The following CDC123 variants were observed in gnomAD, a reference collection of about 807,000 sequenced individuals.
CDC123 encodes the protein translation initiation factor eIF2 assembly protein.
A neutral mutation model predicts 54.4 loss-of-function variants in CDC123; 37 were observed. That is an observed-to-expected ratio of 0.68 (90% CI 0.52 to 0.89). The LOEUF (loss-of-function observed/expected upper bound fraction) is 0.89, where lower values mean the gene tolerates loss of function less well. CDC123 is among the 40% of genes least tolerant of loss of function. The probability of loss-of-function intolerance (pLI) is 0.00; values close to 1 mark genes in which losing one functional copy is unlikely to be tolerated. For missense variants in CDC123, 361 were observed against 412.1 expected (o/e 0.88, Z 1.07); for synonymous variants, 144 against 136.8 (o/e 1.05, Z -0.37).
intron 6 of CDC123, among the ~76,000 whole-genome samples, chr10:12,220,681 T>C (rs1035379988): frequency 2.6e-5 from 4 of 152,146 alleles, no homozygotes; most frequent in Admixed American, 6.6e-5. Context: ...CTTGAAGAGC[T>C]CTTAAAAGAT....
chr10:12,249,167 C>A (rs1836203199), intron 11 of CDC123, among the ~76,000 whole-genome samples: 1 of 151,006 alleles, frequency 6.6e-6, no homozygotes, highest in African/African-American at 2.4e-5. Context: ...GGTGCAACAG[C>A]CCACCTAGCC....
At chr10:12,235,837 G>GT (rs890216668) in intron 8 of CDC123, among the ~76,000 whole-genome samples, 4 of 152,228 alleles carry the variant, frequency 2.6e-5, no homozygotes, top group African/African-American at 9.6e-5. Context: ...AGAAGCTGCA[G>GT]TGTAAGTACT....
intron 9 of CDC123, among the ~76,000 whole-genome samples, chr10:12,238,196 T>A (rs1036606557): frequency 6.6e-6 from 1 of 152,194 alleles, no homozygotes; most frequent in Non-Finnish European, 1.5e-5. Flanking sequence ...GGGAACTGGT[T>A]GAGATGATAT....
intron 2 of CDC123, among the ~76,000 whole-genome samples, chr10:12,200,145 A>ATTTTTTTTTTTTTTTTTGTTTTTTTTTTG (rs1835422240): frequency 1.6e-4 from 1 of 6,234 alleles, no homozygotes; most frequent in Non-Finnish European, 3.8e-4. Flanking sequence ...TTTTTTTTTA[A>ATTTTTTTTTTTTTTTTTGTTTTTTTTTTG]AGATGGAGTC....
intron 6 of CDC123, among the ~76,000 whole-genome samples, chr10:12,228,935 G>A (rs951570694): frequency 5.3e-5 from 8 of 151,986 alleles, no homozygotes; most frequent in Non-Finnish European, 7.4e-5. Context: ...GACTGGTCTC[G>A]AGTTCCTGAA....
chr10:12,235,216 C>T (rs958537381), intron 8 of CDC123, 93 bp downstream of exon 8: 7 of 1,021,160 alleles, frequency 6.9e-6, no homozygotes, highest in Non-Finnish European at 9.2e-6. Flanking sequence ...GTAATTAGGA[C>T]AGGGATGTCA....
intron 7 of CDC123, among the ~76,000 whole-genome samples, chr10:12,234,173 C>G (rs1835944837): frequency 6.6e-6 from 1 of 152,228 alleles, no homozygotes; most frequent in Non-Finnish European, 1.5e-5. Flanking sequence ...CGGCTCACTG[C>G]AACCTCCGCT....
intron 7 of CDC123, among the ~76,000 whole-genome samples, chr10:12,232,949 C>T (rs370539820): frequency 4.0e-5 from 6 of 151,870 alleles, no homozygotes; most frequent in Middle Eastern, 3.4e-3. Context: ...TTAGTGGAGA[C>T]GGGGTTTCAC....
intron 2 of CDC123, among the ~76,000 whole-genome samples, chr10:12,205,892 G>A (rs1249907776): frequency 2.6e-5 from 4 of 151,816 alleles, no homozygotes; most frequent in Admixed American, 2.0e-4. Context: ...TCTGCCTACC[G>A]GGTTCAAGCG....
intron 5 of CDC123, 63 bp from the exon 6 acceptor site, chr10:12,217,298 G>A: frequency 6.6e-7 from 1 of 1,513,136 alleles, no homozygotes; most frequent in Non-Finnish European, 9.0e-7. Context: ...TTTGTTATAG[G>A]CCTGAGCATT....
At chr10:12,224,132 C>T (rs970920905) in intron 6 of CDC123, among the ~76,000 whole-genome samples, 5 of 151,470 alleles carry the variant, frequency 3.3e-5, no homozygotes, top group East Asian at 3.9e-4. Flanking sequence ...TCCGTTCCTG[C>T]GTTACTTCAC....
chr10:12,210,079 C>T, intron 3 of CDC123, 55 bp downstream of exon 3: 1 of 1,570,982 alleles, frequency 6.4e-7, no homozygotes, highest in Admixed American at 1.7e-5. Flanking sequence ...TAAATGATCT[C>T]TGAGATGGTT....
intron 4 of CDC123, among the ~76,000 whole-genome samples, chr10:12,212,965 A>G (rs1365989271): frequency 6.6e-6 from 1 of 152,238 alleles, no homozygotes. Context: ...AGAATTGCTG[A>G]TCCCATAGTG....
At chr10:12,218,826 C>G (rs1322026254) in intron 6 of CDC123, among the ~76,000 whole-genome samples, 1 of 152,148 alleles carries the variant, frequency 6.6e-6, no homozygotes. Flanking sequence ...GTGCAGTCAG[C>G]GTTGTAGGTG....
chr10:12,244,461 C>G (rs996473779), intron 10 of CDC123, among the ~76,000 whole-genome samples: 1 of 152,168 alleles, frequency 6.6e-6, no homozygotes, highest in Non-Finnish European at 1.5e-5. Flanking sequence ...CCTGTGCCCC[C>G]GCTCTGTGCG....
At chr10:12,212,781 T>C (rs1049453072) in intron 4 of CDC123, among the ~76,000 whole-genome samples, 1 of 152,224 alleles carries the variant, frequency 6.6e-6, no homozygotes, top group African/African-American at 2.4e-5. Context: ...CTTCAGGCCG[T>C]GTGCATAAGG....
At chr10:12,242,879 T>C (rs992507221) in intron 10 of CDC123, among the ~76,000 whole-genome samples, 5 of 151,408 alleles carry the variant, frequency 3.3e-5, no homozygotes, top group African/African-American at 1.2e-4. Flanking sequence ...GAGGAGGAGG[T>C]TGCAATGAGC....
chr10:12,237,316 T>A, intron 9 of CDC123, 50 bp downstream of exon 9: 1 of 1,419,930 alleles, frequency 7.0e-7, no homozygotes, highest in Non-Finnish European at 9.3e-7. Context: ...TATACATTGT[T>A]ACTGGACCTT....
At chr10:12,213,377 C>T (rs1250415899) in intron 4 of CDC123, among the ~76,000 whole-genome samples, 1 of 152,134 alleles carries the variant, frequency 6.6e-6, no homozygotes, top group Non-Finnish European at 1.5e-5. Context: ...AGACATCCAA[C>T]AGACTCAACT....
Sources: allele counts gnomAD v4.1 joint callset (sites outside exome capture counted in the v4.1 genomes callset), GRCh38; gene constraint gnomAD v4.1.1; transcripts MANE v1.5; gene names NCBI Gene and HGNC (gene_info 2026-07-23, HGNC 2026-07-21).